Variants in SLCO6A1 observed in about 807,000 individuals in gnomAD.
SLCO6A1 encodes solute carrier organic anion transporter family member 6A1, also known as cancer/testis antigen 48.
A neutral mutation model predicts 72.7 loss-of-function variants in SLCO6A1; 65 were observed. That is an observed-to-expected ratio of 0.89 (90% CI 0.73 to 1.10). The LOEUF (loss-of-function observed/expected upper bound fraction) is 1.10. SLCO6A1 is among the 50% of genes least tolerant of loss of function. The pLI is 0.00. For synonymous variants in SLCO6A1, 314 were observed against 298.2 expected (o/e 1.05, Z -0.55); for missense variants, 874 against 872.6 (o/e 1.00, Z -0.02).
chr5:102,454,129 T>G (rs970313787), intron 6 of SLCO6A1, among the ~76,000 whole-genome samples: 1 of 152,198 alleles, frequency 6.6e-6, no homozygotes, highest in Non-Finnish European at 1.5e-5. Context: ...GATGCTGGCC[T>G]TTTCCAAAGA....
chr5:102,373,477 A>G lies in SLCO6A1; in HGVS notation c.2035T>C (p.Cys679Arg). ...GCAATAGTAGTGAAGATGATAGTGC[A>G]TAGTTTGCAAAGAAAACCTAAATTT... ...LVGICFLCKL[C>R]TIIFTTIAFF... Residue 679 changes from cysteine to arginine, a missense_variant, in exon 13 of 14, where the codon TGC becomes CGC. Transcript: ENST00000506729. The G allele has an allele frequency of 6.7e-7, 1 of 1,493,856 alleles. No homozygotes were observed. Among genetic ancestry groups the G allele is most frequent in the South Asian group, 1.5e-5 (1 of 67,940 alleles). The allele number at this position is 1,493,856 out of a possible 1,614,324, so 92.5% of individuals were successfully genotyped here.
intron 9 of SLCO6A1, among the ~76,000 whole-genome samples, chr5:102,402,049 T>C (rs887424136): frequency 8.6e-5 from 13 of 151,830 alleles, no homozygotes; most frequent in South Asian, 2.1e-4. Flanking sequence ...TCTAAAAGGG[T>C]TGAAGAACTA....
rs549019289 is a variant in SLCO6A1, at chr5:102,387,696, T to C, written c.2017+992A>G. Among the ~76,000 whole-genome samples, 5 of 152,322 alleles carry C rather than the reference T, an allele frequency of 3.3e-5. No homozygotes were observed. The South Asian group carries it at 8.3e-4, about 25-fold the overall frequency. On this transcript the variant is annotated intron_variant, in intron 12 of 13. Transcript: ENST00000506729. ...TCTTAAATATTAAAGTCTATCATTA[T>C]GGTTTTTTTGAATTACTGAATCTAC...
At chr5:102,393,281 T>A (rs888960062) in intron 10 of SLCO6A1, among the ~76,000 whole-genome samples, 13 of 152,152 alleles carry the variant, frequency 8.5e-5, no homozygotes, top group Non-Finnish European at 8.8e-5. Context: ...TTCTAAGAAT[T>A]AAATCTAGAA....
At chr5:102,475,847 T>C in intron 3 of SLCO6A1, 54 bp from the exon 4 acceptor site, 1 of 1,385,170 alleles carries the variant, frequency 7.2e-7, no homozygotes, top group Non-Finnish European at 1.0e-6. Context: ...GCCAGCTTCG[T>C]TATGATAAAA....
intron 1 of SLCO6A1, among the ~76,000 whole-genome samples, chr5:102,493,587 T>A (rs1370276794): frequency 1.3e-5 from 2 of 152,146 alleles, no homozygotes; most frequent in Non-Finnish European, 2.9e-5. Flanking sequence ...CAGAAAAATA[T>A]CAATGAACAT....
chr5:102,399,944 CTGTGTGTG>C (rs34032591), intron 9 of SLCO6A1, among the ~76,000 whole-genome samples: 5 of 149,856 alleles, frequency 3.3e-5, no homozygotes, highest in South Asian at 2.1e-4. Flanking sequence ...GGCAAAAAAT[CTGTGTGTG>C]TGTGTGTGTG....
At position 102,397,731 on chromosome 5, in the gene SLCO6A1, A is replaced by G. The variant is rs1287131247; in HGVS notation, c.1814+1824T>C. ...ATCTGTCAGTCCTTGGGTCCTCTGT[A>G]TATTTTCTGTTCCTTATAACATCTT... On this transcript the variant is annotated intron_variant, in intron 10 of 13. Transcript: ENST00000506729. Among the ~76,000 whole-genome samples, 6 of 152,162 alleles carry G rather than the reference A, an allele frequency of 3.9e-5. No homozygotes were observed. The East Asian group carries it at 9.6e-4, about 24-fold the overall frequency.
chr5:102,374,566 T>C (rs569861333), intron 12 of SLCO6A1, among the ~76,000 whole-genome samples: 1 of 152,278 alleles, frequency 6.6e-6, no homozygotes, highest in South Asian at 2.1e-4. Context: ...TAAAATATTT[T>C]ACAGTCACAA....
chr5:102,469,974 G>A (rs551143362), intron 4 of SLCO6A1, among the ~76,000 whole-genome samples: 97 of 152,192 alleles, frequency 6.4e-4, no homozygotes, highest in African/African-American at 1.8e-3. Flanking sequence ...ATTGATTTGC[G>A]TATGTTGAAC....
intron 6 of SLCO6A1, among the ~76,000 whole-genome samples, chr5:102,455,248 T>A (rs912580661): frequency 8.6e-5 from 13 of 151,808 alleles, no homozygotes; most frequent in African/African-American, 3.1e-4. Context: ...GACAGAGGGA[T>A]AAAATTCTAA....
chr5:102,469,715 G>A (rs1355051614), intron 4 of SLCO6A1, among the ~76,000 whole-genome samples: 1 of 152,152 alleles, frequency 6.6e-6, no homozygotes, highest in African/African-American at 2.4e-5. Context: ...AGTGGTGAGA[G>A]AGGGCATCCT....
intron 9 of SLCO6A1, among the ~76,000 whole-genome samples, chr5:102,403,102 G>A (rs574036930): frequency 1.3e-5 from 2 of 152,258 alleles, no homozygotes; most frequent in East Asian, 1.9e-4. Context: ...AAATATTAAT[G>A]TTTGATTACA....
intron 4 of SLCO6A1, among the ~76,000 whole-genome samples, chr5:102,467,410 TAA>T (rs879713631): frequency 5.3e-5 from 8 of 150,170 alleles, no homozygotes; most frequent in Admixed American, 4.0e-4. Flanking sequence ...AGAATCTCTT[TAA>T]AAAAAAAAAT....
intron 4 of SLCO6A1, among the ~76,000 whole-genome samples, chr5:102,471,397 T>A (rs1044266180): frequency 5.9e-5 from 9 of 152,082 alleles, no homozygotes; most frequent in African/African-American, 9.7e-5. Flanking sequence ...AAATTCTAAC[T>A]GCTAGACGGG....
rs184191726 is a variant in SLCO6A1, at chr5:102,491,274, T to C, written c.358+7213A>G. Among the ~76,000 whole-genome samples, 1,249 of 152,332 alleles carry C rather than the reference T, an allele frequency of 8.2e-3. 17 individuals are homozygous for C. Among genetic ancestry groups the C allele is most frequent in the African/African-American group, 0.028 (1,171 of 41,588 alleles). ...ATTGGTGTATTTACAATCCCTCAGC[T>C]AGACATAAAGGTTCTCCAAGTTCCC... On this transcript the variant is annotated intron_variant, in intron 1 of 13. Transcript: ENST00000506729.
chr5:102,476,114 C>T (rs568786851), intron 3 of SLCO6A1, among the ~76,000 whole-genome samples: 1 of 152,060 alleles, frequency 6.6e-6, no homozygotes, highest in South Asian at 2.1e-4. Context: ...GCGTACACTG[C>T]TTGGGTGATG....
In SLCO6A1 at chr5:102,387,324, A is replaced by C. The variant is rs561989258; in HGVS notation, c.2017+1364T>G. Among the ~76,000 whole-genome samples, 4 of 152,234 alleles carry C rather than the reference A, an allele frequency of 2.6e-5. No homozygotes were observed. The South Asian group carries it at 8.3e-4, about 32-fold the overall frequency. The stretch of plus-strand genomic sequence containing the variant: ...CTTTTCTATTTGACTATAATTATTT[A>C]TGTTTTTAATTATTCGTATCTCCTT... On this transcript the variant is annotated intron_variant, in intron 12 of 13. Coordinates refer to ENST00000506729, the MANE Select transcript of SLCO6A1 (RefSeq NM_173488.5).
chr5:102,477,907 A>G (rs1284691057), intron 2 of SLCO6A1, 46 bp from the exon 3 acceptor site: 1 of 1,506,374 alleles, frequency 6.6e-7, no homozygotes, highest in East Asian at 2.3e-5. Flanking sequence ...GAACTCAAAC[A>G]TAAAACAAAT....
Sources: allele counts gnomAD v4.1 joint callset (sites outside exome capture counted in the v4.1 genomes callset), GRCh38; gene constraint gnomAD v4.1.1; transcripts MANE v1.5; gene names NCBI Gene and HGNC (gene_info 2026-07-23, HGNC 2026-07-21).